The following AFF1 variants were observed in gnomAD, a reference collection of about 807,000 sequenced individuals.
The protein encoded by AFF1 is ALF transcription elongation factor 1.
In AFF1, 48 loss-of-function variants were observed where a neutral mutation model predicts 121.7. The ratio of observed to expected loss-of-function variants is 0.39; its 90% CI spans 0.31 to 0.50. AFF1 has a LOEUF of 0.50. AFF1 is among the 20% of genes least tolerant of loss of function. The pLI is 0.76. For synonymous variants in AFF1, 613 were observed against 563.0 expected, an observed-to-expected ratio of 1.09 and a Z score of -1.26; for missense variants, 1,523 against 1,511.7, an observed-to-expected ratio of 1.01 and a Z score of -0.12.
At chr4:86,951,217 A>C (rs1721279241) in intron 2 of AFF1, among the ~76,000 whole-genome samples, 1 of 152,166 alleles carries the variant, frequency 6.6e-6, no homozygotes, top group African/African-American at 2.4e-5. Flanking sequence ...AGGCTTTCTA[A>C]TTCAGAACTT....
At chr4:87,104,862 ATT>A (rs72230942) in intron 8 of AFF1, among the ~76,000 whole-genome samples, 4 of 144,224 alleles carry the variant, frequency 2.8e-5, no homozygotes, top group East Asian at 2.0e-4. Flanking sequence ...GTTTGAGGAA[ATT>A]TTTTTTTTTT....
chr4:87,072,915 G>A (rs1303758635), intron 4 of AFF1, among the ~76,000 whole-genome samples: 4 of 152,016 alleles, frequency 2.6e-5, no homozygotes, highest in African/African-American at 7.2e-5. Context: ...ATATATTTTC[G>A]CTTTCACCAG....
chr4:87,029,882 T>A (rs2149579950), intron 2 of AFF1, among the ~76,000 whole-genome samples: 1 of 152,268 alleles, frequency 6.6e-6, no homozygotes, highest in East Asian at 1.9e-4. Flanking sequence ...CTGAAGATGT[T>A]GGGTGACATT....
chr4:86,950,110 G>A, intron 2 of AFF1: 2 of 1,613,100 alleles, frequency 1.2e-6, no homozygotes, highest in Admixed American at 3.3e-5. Context: ...AGTTCTGAAA[G>A]GGAGCAGGGC....
chr4:87,056,496 A>G (rs997155567), intron 4 of AFF1, among the ~76,000 whole-genome samples: 1 of 152,240 alleles, frequency 6.6e-6, no homozygotes, highest in African/African-American at 2.4e-5. Context: ...ATAGAATTCT[A>G]TGGTATAATT....
chr4:86,960,142 T>TG (rs1454031252), intron 2 of AFF1, among the ~76,000 whole-genome samples: 3 of 152,164 alleles, frequency 2.0e-5, no homozygotes, highest in African/African-American at 7.2e-5. Flanking sequence ...GGTTTCCTAG[T>TG]GGTGAGCATG....
Position 86,987,743 on chromosome 4 carries a change from A to G in AFF1, c.38+39172A>G, listed in dbSNP as rs148099953. On this transcript the variant is annotated intron_variant, in intron 2 of 20. Coordinates refer to ENST00000395146, the MANE Select transcript of AFF1 (RefSeq NM_001166693.3). ...CGAGGCGGGTGGATTACTTGAGGCC[A>G]GGAGTTTGAGACCAGCCTGGCCAAC... is the stretch of plus-strand genomic sequence containing the variant. Among the ~76,000 whole-genome samples the G allele has an allele frequency of 3.9e-3, 593 of 152,292 alleles. 3 individuals carry two copies. The highest frequency in any genetic ancestry group is 0.013 in the African/African-American group (557 of 41,556).
chr4:87,130,225 A>G lies in AFF1; in HGVS notation c.2965-858A>G, dbSNP rs147400665. On this transcript the variant is annotated intron_variant, in intron 16 of 20. Coordinates refer to ENST00000395146, the MANE Select transcript of AFF1 (RefSeq NM_001166693.3). Reference sequence around the variant, plus strand: ...TGACCTCAAGTGATCCACTCACCTCAGCCTCCCAAAGTGCTGGGATTACAG... The same window carrying G: ...TGACCTCAAGTGATCCACTCACCTCGGCCTCCCAAAGTGCTGGGATTACAG... Among the ~76,000 whole-genome samples, 1,023 of 152,278 alleles carry G rather than the reference A, an allele frequency of 6.7e-3. 13 individuals are homozygous for G. Among genetic ancestry groups the G allele is most frequent in the African/African-American group, 0.023 (970 of 41,554 alleles).
intron 2 of AFF1, among the ~76,000 whole-genome samples, chr4:86,963,102 G>A (rs1186498892): frequency 2.7e-5 from 4 of 145,820 alleles, no homozygotes; most frequent in Non-Finnish European, 5.9e-5. Context: ...GGAGGCAGAG[G>A]TTACAGTGAG....
intron 2 of AFF1, among the ~76,000 whole-genome samples, chr4:86,983,499 A>C (rs1467751096): frequency 6.6e-6 from 1 of 152,144 alleles, no homozygotes; most frequent in African/African-American, 2.4e-5. Flanking sequence ...ATTGCACTCC[A>C]TCCTGGGCAA....
At chr4:87,121,480 G>A (rs1727681189) in intron 12 of AFF1, among the ~76,000 whole-genome samples, 1 of 152,214 alleles carries the variant, frequency 6.6e-6, no homozygotes, top group Admixed American at 6.5e-5. Flanking sequence ...GAGCTGTTAA[G>A]CTGAATTTCT....
At chr4:87,059,145 C>T (rs770358801) in intron 4 of AFF1, among the ~76,000 whole-genome samples, 4 of 152,206 alleles carry the variant, frequency 2.6e-5, no homozygotes, top group Non-Finnish European at 5.9e-5. Flanking sequence ...ATTCAACTGC[C>T]GTTGCTCACG....
intron 2 of AFF1, among the ~76,000 whole-genome samples, chr4:86,985,181 C>CTATATATATATATA (rs55891819): frequency 0.019 from 1,869 of 96,000 alleles, 60 homozygotes; most frequent in African/African-American, 0.04. Flanking sequence ...ATATGTATTA[C>CTATATATATATATA]TATATATATA....
intron 11 of AFF1, among the ~76,000 whole-genome samples, chr4:87,110,038 T>C (rs912851885): frequency 1.3e-5 from 2 of 152,196 alleles, no homozygotes; most frequent in Admixed American, 1.3e-4. Context: ...AAATTTCTGG[T>C]GTTGTTTCAG....
chr4:87,007,252 C>T (rs1726234615), intron 2 of AFF1: 2 of 1,496,364 alleles, frequency 1.3e-6, no homozygotes, highest in Non-Finnish European at 8.8e-7. Context: ...CCGAGGACGC[C>T]CGGGGCTCGA....
chr4:87,029,817 CACAA>C (rs1728891801), intron 2 of AFF1, among the ~76,000 whole-genome samples: 1 of 152,196 alleles, frequency 6.6e-6, no homozygotes, highest in Non-Finnish European at 1.5e-5. Flanking sequence ...ACACACACTT[CACAA>C]CACCTTGGAG....
At chr4:87,094,157 CCT>C (rs1300881341) in intron 7 of AFF1, among the ~76,000 whole-genome samples, 2 of 152,114 alleles carry the variant, frequency 1.3e-5, no homozygotes, top group Admixed American at 1.3e-4. Context: ...TTCCCACTGT[CCT>C]CTCTCTCTTG....
chr4:87,113,603 A>T (rs965721433), intron 11 of AFF1, among the ~76,000 whole-genome samples: 1 of 152,218 alleles, frequency 6.6e-6, no homozygotes, highest in Non-Finnish European at 1.5e-5. Context: ...CGTGGGATTA[A>T]TGCTTGGCTA....
chr4:87,027,478 A>G (rs1291845624), intron 2 of AFF1, among the ~76,000 whole-genome samples: 1 of 152,176 alleles, frequency 6.6e-6, no homozygotes, highest in Non-Finnish European at 1.5e-5. Flanking sequence ...GTGCTTCCAA[A>G]TTACTCCTTT....
Sources: gnomAD v4.1 joint callset for allele counts (sites outside exome capture counted in the v4.1 genomes callset) on GRCh38, gnomAD v4.1.1 for gene constraint, MANE v1.5 for transcripts, NCBI Gene and HGNC (gene_info 2026-07-23, HGNC 2026-07-21) for gene names.